SEMA6D: variants seen among roughly 807,000 people sequenced by gnomAD.
SEMA6D encodes semaphorin-6D.
SEMA6D carries 35 observed loss-of-function variants against 106.6 expected under a neutral mutation model. The ratio of observed to expected loss-of-function variants is 0.33; its 90% CI spans 0.25 to 0.44. The LOEUF is 0.44. Among genes scored for constraint, SEMA6D ranks in the 20% least tolerant of loss-of-function variants. SEMA6D has a pLI of 1.00. For missense variants in SEMA6D, 1,185 were observed against 1,345.9 expected, an observed-to-expected ratio of 0.88 and a Z score of 1.87; for synonymous variants, 499 against 487.7, an observed-to-expected ratio of 1.02 and a Z score of -0.31.
chr15:47,289,497 A>G (rs1297150479), intron 1 of SEMA6D, among the ~76,000 whole-genome samples: 2 of 152,076 alleles, frequency 1.3e-5, no homozygotes, highest in East Asian at 1.9e-4. Context: ...TTCTTCTGAA[A>G]CAGTGTAGCA....
chr15:47,771,716 C>G lies in SEMA6D; in HGVS notation c.3153C>G (p.Asp1051Glu). ...AGAGGACGCCGTCCTTAAAACCTGA[C>G]GTGCCACCAAAGCCTTCCTTTGTTC... Reference protein sequence around the residue: ...GLKRTPSLKPDVPPKPSFVPQ... With the variant: ...GLKRTPSLKPEVPPKPSFVPQ... Residue 1051 changes from aspartate to glutamate, a missense_variant, in exon 19 of 19, where the codon GAC becomes GAG. Physicochemically the swap from Asp to Glu is conservative, Grantham distance 45. This residue lies in a region of SEMA6D where 750 missense variants were observed against 783.5 expected (regional missense o/e 0.96). Transcript: ENST00000536845. 6.2e-7 allele frequency: 1 copy of G among 1,614,102 alleles called. No individual in the cohort carries two copies. The highest frequency in any genetic ancestry group is 8.5e-7 in the Non-Finnish European group (1 of 1,179,974).
At chr15:47,760,917 G>A in intron 3 of SEMA6D, 61 bp from the exon 4 acceptor site, 1 of 1,428,994 alleles carries the variant, frequency 7.0e-7, no homozygotes, top group Non-Finnish European at 9.7e-7. Flanking sequence ...AAATAAAAAA[G>A]GAAGCAGCTT....
intron 1 of SEMA6D, among the ~76,000 whole-genome samples, chr15:47,242,220 A>C (rs900789776): frequency 1.3e-5 from 2 of 152,296 alleles, no homozygotes; most frequent in Non-Finnish European, 2.9e-5. Flanking sequence ...TAGTTGGTAC[A>C]AAAGTAATTG....
chr15:47,208,569 A>G (rs1595743006), intron 1 of SEMA6D, among the ~76,000 whole-genome samples: 1 of 152,142 alleles, frequency 6.6e-6, no homozygotes, highest in East Asian at 1.9e-4. Context: ...ATTGCTTTCC[A>G]TTTCTTCAAT....
intron 1 of SEMA6D, among the ~76,000 whole-genome samples, chr15:47,222,338 C>T (rs762027894): frequency 6.6e-6 from 1 of 152,154 alleles, no homozygotes; most frequent in Non-Finnish European, 1.5e-5. Context: ...AGGACTTGTG[C>T]TTCTCAGACC....
chr15:47,592,541 A>G (rs542156962), intron 3 of SEMA6D, among the ~76,000 whole-genome samples: 2 of 152,258 alleles, frequency 1.3e-5, no homozygotes, highest in South Asian at 4.1e-4. Context: ...TTTGTCAATG[A>G]TCATGGCGTG....
rs1205091308 is a variant in SEMA6D at position 47,227,890 on chromosome 15, T to TGTGTGTG, written c.-239+43472_-239+43473insGTGTGTG. 5.5e-5 allele frequency among the ~76,000 whole-genome samples: 8 copies of TGTGTGTG among 144,550 alleles called. No homozygotes were observed. The East Asian group carries it at 1.1e-3, about 21-fold the overall frequency. 94.8% of individuals were successfully genotyped at this position (144,550 alleles called of 152,430 possible). On this transcript the variant is annotated intron_variant, in intron 1 of 19. Coordinates refer to the SEMA6D transcript ENST00000558014. ...TTTATATATATAAGAATCATATATA[T>TGTGTGTG]TTTATATATATAAGAATCTTATATA...
intron 3 of SEMA6D, among the ~76,000 whole-genome samples, chr15:47,519,831 G>A (rs935531242): frequency 1.3e-5 from 2 of 152,220 alleles, no homozygotes; most frequent in Non-Finnish European, 2.9e-5. Context: ...GATGATTGAT[G>A]TGAGGCCTAT....
At position 47,770,656 on chromosome 15, in the gene SEMA6D, A is replaced by G. The variant is rs146886309; in HGVS notation, c.2093A>G (p.His698Arg). 869 of 1,614,112 alleles carry G rather than the reference A, an allele frequency of 5.4e-4. 2 individuals are homozygous for G. Among genetic ancestry groups the G allele is most frequent in the South Asian group, 2.4e-3 (221 of 91,080 alleles). ...DMFVRKNRKI[H>R]KDAESAQSCT... ...TTTGTTCGGAAAAACAGAAAGATCC[A>G]TAAAGATGCAGAGTCCGCCCAGTCA... The change falls in exon 19 of 19, where the codon CAT becomes CGT. Residue 698 changes from histidine to arginine, a missense_variant. By Grantham distance (29) the His-to-Arg change is conservative. Coordinates refer to ENST00000536845, the MANE Select transcript of SEMA6D (RefSeq NM_001358351.3).
chr15:47,527,943 T>G (rs1166144284), intron 3 of SEMA6D, among the ~76,000 whole-genome samples: 1 of 152,224 alleles, frequency 6.6e-6, no homozygotes, highest in Non-Finnish European at 1.5e-5. Context: ...GTTTCCCATA[T>G]TACTTCAACA....
chr15:47,506,843 A>C (rs974878400), intron 3 of SEMA6D, among the ~76,000 whole-genome samples: 4 of 152,092 alleles, frequency 2.6e-5, no homozygotes, highest in African/African-American at 9.7e-5. Flanking sequence ...CTGTTGCCAT[A>C]TTTACATCAC....
At chr15:47,742,165 G>T (rs1438421175) in intron 1 of SEMA6D, among the ~76,000 whole-genome samples, 1 of 152,244 alleles carries the variant, frequency 6.6e-6, no homozygotes, top group Non-Finnish European at 1.5e-5. Flanking sequence ...TGTAAACGAT[G>T]TCAGTACACC....
At position 47,759,738 on chromosome 15, in the gene SEMA6D, T is replaced by A; in HGVS notation, c.-54-7T>A. On this transcript the variant is annotated splice_region_variant and splice_polypyrimidine_tract_variant and intron_variant, in intron 1 of 18. Coordinates refer to ENST00000536845, the MANE Select transcript of SEMA6D (RefSeq NM_001358351.3). ...AGAGATCTTTCCAAACTGCTTCTGT[T>A]TTCCAGGTAGCTCAGTGGCATTTCT... 1 of 1,218,384 alleles carries A rather than the reference T, an allele frequency of 8.2e-7. No homozygotes were observed. Among genetic ancestry groups the A allele is most frequent in the Non-Finnish European group, 1.2e-6 (1 of 820,206 alleles). The allele number at this position is 1,218,384 out of a possible 1,614,324, so 75.5% of individuals were successfully genotyped here.
At chr15:47,584,220 C>T (rs918965912) in intron 3 of SEMA6D, among the ~76,000 whole-genome samples, 5 of 152,254 alleles carry the variant, frequency 3.3e-5, no homozygotes, top group South Asian at 2.1e-4. Context: ...TTAAGGAGTT[C>T]GAGACCAGCC....
At chr15:47,720,694 A>G (rs757896965) in intron 1 of SEMA6D, among the ~76,000 whole-genome samples, 2 of 152,234 alleles carry the variant, frequency 1.3e-5, no homozygotes, top group Non-Finnish European at 2.9e-5. Context: ...AAAGATGGCC[A>G]TAATTGCTAA....
intron 1 of SEMA6D, among the ~76,000 whole-genome samples, chr15:47,740,989 T>G (rs577728635): frequency 2.8e-4 from 43 of 152,338 alleles, no homozygotes; most frequent in African/African-American, 1.0e-3. Flanking sequence ...TTTTACTTAT[T>G]TATTTTTCTG....
chr15:47,725,152 A>C (rs539269323), intron 1 of SEMA6D, among the ~76,000 whole-genome samples: 5 of 152,346 alleles, frequency 3.3e-5, no homozygotes, highest in African/African-American at 1.2e-4. Flanking sequence ...GAGGATAGAC[A>C]CATATTGAAA....
intron 1 of SEMA6D, among the ~76,000 whole-genome samples, chr15:47,207,732 T>TAA (rs1414268545): frequency 6.6e-6 from 1 of 152,108 alleles, no homozygotes. Flanking sequence ...GGCAGTCCTC[T>TAA]AAGAGAAAAG....
chr15:47,732,226 T>C (rs960036637), intron 1 of SEMA6D, among the ~76,000 whole-genome samples: 6 of 152,222 alleles, frequency 3.9e-5, no homozygotes, highest in African/African-American at 1.4e-4. Flanking sequence ...TTAAGTCACA[T>C]AGTAAGAAGT....
Sources: gnomAD v4.1 joint callset for allele counts (sites outside exome capture counted in the v4.1 genomes callset) on GRCh38, gnomAD v4.1.1 for gene constraint, gnomAD v4.1.1 regional missense constraint, MANE v1.5 for transcripts, NCBI Gene and HGNC (gene_info 2026-07-23, HGNC 2026-07-21) for gene names.